The following FRMD6 variants were observed in gnomAD, a reference collection of about 807,000 sequenced individuals.
The protein encoded by FRMD6 is FERM domain-containing protein 6.
FRMD6 carries 37 observed loss-of-function variants against 73.2 expected under a neutral mutation model. The observed-to-expected ratio is 0.51, with a 90% CI of 0.39 to 0.66. The LOEUF is 0.66. Ranked by LOEUF, FRMD6 falls within the 30% of genes least tolerant of loss-of-function variation. The pLI is 0.00. For synonymous variants in FRMD6, 273 were observed against 282.2 expected, an observed-to-expected ratio of 0.97 and a Z score of 0.33; for missense variants, 714 against 780.5, an observed-to-expected ratio of 0.91 and a Z score of 1.02.
chr14:51,475,767 T>C, the FRMD6 span, among the ~76,000 whole-genome samples: 1 of 152,192 alleles, frequency 6.6e-6, no homozygotes, highest in African/African-American at 2.4e-5. Context: ...TCCCAAACTT[T>C]TTGCCAAAGT....
At chr14:51,408,299 A>G in the FRMD6 span, among the ~76,000 whole-genome samples, 1 of 152,010 alleles carries the variant, frequency 6.6e-6, no homozygotes, top group African/African-American at 2.4e-5. Flanking sequence ...AGCTGGGACT[A>G]CAGACATGCG....
At chr14:51,460,525 A>G in the FRMD6 span, among the ~76,000 whole-genome samples, 1 of 152,364 alleles carries the variant, frequency 6.6e-6, no homozygotes, top group Non-Finnish European at 1.5e-5. Flanking sequence ...TCCTAAAAAT[A>G]TAATTACAGG....
chr14:51,470,085 A>T, the FRMD6 span, among the ~76,000 whole-genome samples: 5 of 152,116 alleles, frequency 3.3e-5, no homozygotes, highest in Non-Finnish European at 7.4e-5. Flanking sequence ...AAAGTTTTTC[A>T]TTTTTTTAAA....
At chr14:51,546,579 C>T (rs1326746426) in intron 1 of FRMD6, 1 of 102,744 alleles carries the variant, frequency 9.7e-6, no homozygotes, top group African/African-American at 4.3e-5. Context: ...TTCCCCCTCC[C>T]CATCAAAAAA....
At chr14:51,652,742 G>C (rs1892516423) in intron 1 of FRMD6, among the ~76,000 whole-genome samples, 1 of 152,234 alleles carries the variant, frequency 6.6e-6, no homozygotes, top group Non-Finnish European at 1.5e-5. Flanking sequence ...CGGAGCCCCA[G>C]GCGAACAGGA....
intron 1 of FRMD6, among the ~76,000 whole-genome samples, chr14:51,543,648 A>G (rs1886315487): frequency 6.6e-6 from 1 of 152,052 alleles, no homozygotes; most frequent in Non-Finnish European, 1.5e-5. Flanking sequence ...ACAAGAACAT[A>G]GATGCTGAAA....
chr14:51,450,709 AT>A, the FRMD6 span, among the ~76,000 whole-genome samples: 1 of 152,230 alleles, frequency 6.6e-6, no homozygotes, highest in Non-Finnish European at 1.5e-5. Context: ...ATATAAAAAA[AT>A]AAAAAGCCAT....
chr14:51,536,040 A>C (rs1336387771), intron 1 of FRMD6, among the ~76,000 whole-genome samples: 1 of 147,262 alleles, frequency 6.8e-6, no homozygotes, highest in Non-Finnish European at 1.5e-5. Flanking sequence ...TTGCCCATAT[A>C]TATATTATAT....
rs111372020 is a variant in FRMD6 at position 51,674,363 on chromosome 14, A to G, written c.-146-15328A>G. The stretch of plus-strand genomic sequence containing the variant: ...AGGTGATTCCAAGGCAATTAATTGT[A>G]GGCAATATATAGTCTTTTTCTAGGG... On this transcript the variant is annotated intron_variant, in intron 1 of 13. Coordinates refer to ENST00000344768, the MANE Select transcript of FRMD6 (RefSeq NM_001267046.2). 3.3e-5 allele frequency among the ~76,000 whole-genome samples: 5 copies of G among 152,264 alleles called. 2 individuals carry two copies. Among genetic ancestry groups the G allele is most frequent in the African/African-American group, 1.2e-4 (5 of 41,558 alleles).
Position 51,676,003 on chromosome 14 carries a change from T to A in FRMD6, c.-146-13688T>A, listed in dbSNP as rs1410781336. Among the ~76,000 whole-genome samples the A allele has an allele frequency of 3.3e-5, 5 of 152,298 alleles. No individual in the cohort carries two copies. In the South Asian group the frequency reaches 6.2e-4, roughly 19 times the overall value. ...TTTGGGTATGTTTAATTTAGTAAAT[T>A]ATTTTAGCACGTTTCTTAACTTTCC... On this transcript the variant is annotated intron_variant, in intron 1 of 13. Coordinates refer to ENST00000344768, the MANE Select transcript of FRMD6 (RefSeq NM_001267046.2).
Position 51,715,494 on chromosome 14 carries a change from A to G in FRMD6, c.1019A>G (p.Asn340Ser), listed in dbSNP as rs775066448. The G allele has an allele frequency of 6.2e-7, 1 of 1,609,022 alleles. No homozygotes were observed. Among genetic ancestry groups the G allele is most frequent in the East Asian group, 2.2e-5 (1 of 44,772 alleles). The change falls in exon 10 of 14, where the codon AAC (asparagine) becomes AGC (serine). Residue 340 changes from asparagine (N) to serine (S), a missense_variant. Physicochemically the swap from Asn to Ser is conservative, Grantham distance 46. Transcript: ENST00000344768. ...CGCCATATCCGGAAGCTGGAGGAAA[A>G]CGAAGGTATTGCAGGGTCTGGGGTG... ...VLRHIRKLEE[N>S]EEKKQYRESY...
At chr14:51,554,472 A>G (rs1020065758) in intron 1 of FRMD6, among the ~76,000 whole-genome samples, 1 of 152,206 alleles carries the variant, frequency 6.6e-6, no homozygotes, top group African/African-American at 2.4e-5. Context: ...CCTTACAAAC[A>G]GTACCTCAAC....
At chr14:51,710,511 C>T (rs960520803) in intron 7 of FRMD6, among the ~76,000 whole-genome samples, 3 of 152,148 alleles carry the variant, frequency 2.0e-5, no homozygotes, top group Non-Finnish European at 2.9e-5. Context: ...GGATTAGTTT[C>T]TCCTCTTAAA....
At chr14:51,597,050 G>T (rs1228724353) in intron 2 of FRMD6, among the ~76,000 whole-genome samples, 1 of 152,130 alleles carries the variant, frequency 6.6e-6, no homozygotes, top group Non-Finnish European at 1.5e-5. Flanking sequence ...GTCAAAGAGG[G>T]CATTTGCTCA....
intron 1 of FRMD6, among the ~76,000 whole-genome samples, chr14:51,557,765 T>C (rs1294185081): frequency 6.6e-6 from 1 of 152,154 alleles, no homozygotes; most frequent in Non-Finnish European, 1.5e-5. Context: ...AATACCATGT[T>C]GGGACACAAA....
intron 2 of FRMD6, among the ~76,000 whole-genome samples, chr14:51,621,416 G>A (rs1890921799): frequency 6.6e-6 from 1 of 152,166 alleles, no homozygotes; most frequent in Non-Finnish European, 1.5e-5. Context: ...GCAAGTTATT[G>A]CCCAGATATA....
At chr14:51,531,328 AC>A (rs1479461486) in intron 1 of FRMD6, among the ~76,000 whole-genome samples, 2 of 152,236 alleles carry the variant, frequency 1.3e-5, no homozygotes, top group Non-Finnish European at 2.9e-5. Context: ...AAAATGAATA[AC>A]TTTAACATAA....
At chr14:51,688,109 C>T (rs2140346712) in intron 1 of FRMD6, among the ~76,000 whole-genome samples, 1 of 151,732 alleles carries the variant, frequency 6.6e-6, no homozygotes, top group East Asian at 1.9e-4. Flanking sequence ...GAAGGAAAAG[C>T]ATGCGTGTTT....
At chr14:51,495,722 C>T (rs565532891) in intron 1 of FRMD6, among the ~76,000 whole-genome samples, 21 of 151,984 alleles carry the variant, frequency 1.4e-4, no homozygotes, top group Non-Finnish European at 1.9e-4. Context: ...GGTAAGAAGA[C>T]GTTAAATGCC....
Sources: allele counts gnomAD v4.1 joint callset (sites outside exome capture counted in the v4.1 genomes callset), GRCh38; gene constraint gnomAD v4.1.1; transcripts MANE v1.5; gene names NCBI Gene and HGNC (gene_info 2026-07-23, HGNC 2026-07-21).